The following FDXACB1 variants were observed in gnomAD, a reference collection of about 807,000 sequenced individuals.
The protein encoded by FDXACB1 is ferredoxin-fold anticodon-binding domain-containing protein 1.
Under a neutral mutation model 51.7 loss-of-function variants are expected in FDXACB1, and 41 were observed. That is an observed-to-expected ratio of 0.79 (90% CI 0.62 to 1.03). FDXACB1 has a LOEUF of 1.03. FDXACB1 is among the 50% of genes least tolerant of loss of function. The probability of loss-of-function intolerance (pLI) is 0.00; values close to 1 mark genes in which losing one functional copy is unlikely to be tolerated. For synonymous variants in FDXACB1, 273 were observed against 278.6 expected (o/e 0.98, Z 0.20); for missense variants, 697 against 746.4 (o/e 0.93, Z 0.77).
rs1555162624 is a variant in FDXACB1, at chr11:111,878,955, C to T, written c.172+6G>A. 8 of 1,581,918 alleles carry T rather than the reference C, an allele frequency of 5.1e-6. No individual in the cohort carries two copies. The highest frequency in any genetic ancestry group is 6.9e-6 in the Non-Finnish European group (8 of 1,167,368). The stretch of plus-strand genomic sequence containing the variant: ...GCGGGGTTTCGCAGAGGGGCGGGCT[C>T]GCTACCTCGCTCGCGCAGGCACTGC... On this transcript the variant is annotated splice_donor_region_variant and intron_variant, in intron 1 of 4. Transcript: ENST00000260257.
chr11:111,877,086 C>T (rs1455906920), intron 2 of FDXACB1, 75 bp from the exon 3 acceptor site: 8 of 1,382,392 alleles, frequency 5.8e-6, no homozygotes, highest in African/African-American at 1.5e-5. Flanking sequence ...GCAACATACA[C>T]ATGGTTTGCC....
In FDXACB1 at chr11:111,874,871, C is replaced by A; in HGVS notation, c.*51G>T. The stretch of plus-strand genomic sequence containing the variant: ...TACTGGTTGCAAGTTGGTAATTTTC[C>A]TCCACATCCCCCGCAATGAAGGATC... On this transcript the variant is annotated 3_prime_UTR_variant, in exon 5 of 5. Transcript: ENST00000260257. 1 of 1,523,424 alleles carries A rather than the reference C, an allele frequency of 6.6e-7. No homozygotes were observed. The highest frequency in any genetic ancestry group is 1.2e-5 in the South Asian group (1 of 80,976). The allele number at this position is 1,523,424 out of a possible 1,614,324, so 94.4% of individuals were successfully genotyped here.
chr11:111,874,854 G>A lies in FDXACB1; in HGVS notation c.*68C>T, dbSNP rs1964773243. 2 of 1,392,138 alleles carry A rather than the reference G, an allele frequency of 1.4e-6. No homozygotes were observed. Among genetic ancestry groups the A allele is most frequent in the South Asian group, 1.3e-5 (1 of 74,980 alleles). 86.2% of individuals were successfully genotyped at this position (1,392,138 alleles called of 1,614,324 possible). On this transcript the variant is annotated 3_prime_UTR_variant, in exon 5 of 5. Coordinates refer to ENST00000260257, the MANE Select transcript of FDXACB1 (RefSeq NM_138378.3). The stretch of plus-strand genomic sequence containing the variant: ...AAAAATCCAGAAAGGACTACTGGTT[G>A]CAAGTTGGTAATTTTCCTCCACATC...
rs901587643 is a variant in FDXACB1 at position 111,874,850 on chromosome 11, G to C, written c.*72C>G. 2.2e-6 allele frequency: 3 copies of C among 1,344,354 alleles called. No individual in the cohort carries two copies. The highest frequency in any genetic ancestry group is 3.1e-6 in the Non-Finnish European group (3 of 973,228). 83.3% of individuals were successfully genotyped at this position (1,344,354 alleles called of 1,614,324 possible). On this transcript the variant is annotated 3_prime_UTR_variant, in exon 5 of 5. Coordinates refer to ENST00000260257, the MANE Select transcript of FDXACB1 (RefSeq NM_138378.3). ...AAACAAAAATCCAGAAAGGACTACT[G>C]GTTGCAAGTTGGTAATTTTCCTCCA...
At chr11:111,878,176 G>C (rs898711569) in intron 2 of FDXACB1, among the ~76,000 whole-genome samples, 1 of 151,796 alleles carries the variant, frequency 6.6e-6, no homozygotes, top group African/African-American at 2.4e-5. Context: ...TGGGCGACAG[G>C]GCGAGACTCT....
chr11:111,877,512 C>CTTTTTTTTTTTTTTTTTTTTTTTTTTTTT (rs35506169), intron 2 of FDXACB1, among the ~76,000 whole-genome samples: 1 of 106,916 alleles, frequency 9.4e-6, no homozygotes, highest in Non-Finnish European at 1.9e-5. Context: ...CTGTTAGTTA[C>CTTTTTTTTTTTTTTTTTTTTTTTTTTTTT]TTTTTTTTTT....
Position 111,875,441 on chromosome 11 carries a change from C to T in FDXACB1, c.1356G>A (p.Val452=), listed in dbSNP as rs1555161939. 10 of 1,613,258 alleles carry T rather than the reference C, an allele frequency of 6.2e-6. No individual in the cohort carries two copies. The highest frequency in any genetic ancestry group is 8.5e-6 in the Non-Finnish European group (10 of 1,179,802). Residue 452 remains valine, a synonymous_variant, in exon 5 of 5, where the codon GTG becomes GTA. Coordinates refer to ENST00000260257, the MANE Select transcript of FDXACB1 (RefSeq NM_138378.3). ...AATCTGGGCTAAAATTATGAGTCTT[C>T]ACACGAATCATATAATCCTTTCCAT... The part of the protein sequence containing the change: ...QSNGKDYMIR[V]KTHNFSPDCT...
At position 111,875,499 on chromosome 11, in the gene FDXACB1, A is replaced by G. The variant is rs1964793149; in HGVS notation, c.1298T>C (p.Leu433Pro). 6.2e-7 allele frequency: 1 copy of G among 1,612,328 alleles called. No homozygotes were observed. The highest frequency in any genetic ancestry group is 1.7e-5 in the Admixed American group (1 of 59,706). ...AAGGACAAATTTGACTAAACTGCTC[A>G]GCTTAGAGCTCTCCGGCAATGTCTG... ...LTQTLPESSK[L>P]SSLVKFVLQS... The change falls in exon 5 of 5, where the codon CTG becomes CCG. Residue 433 changes from leucine (L) to proline (P), a missense_variant. Transcript: ENST00000260257.
chr11:111,875,815 C>G lies in FDXACB1; in HGVS notation c.982G>C (p.Gly328Arg). 6.2e-7 allele frequency: 1 copy of G among 1,613,742 alleles called. No individual in the cohort carries two copies. Among genetic ancestry groups the G allele is most frequent in the Non-Finnish European group, 8.5e-7 (1 of 1,179,882 alleles). Reference protein sequence around the residue: ...FSELSLLKNPGRDGKEEACEG... With the variant: ...FSELSLLKNPRRDGKEEACEG... The stretch of plus-strand genomic sequence containing the variant: ...CAAGCTTCTTCTTTACCATCTCTTC[C>G]AGGATTCTTGAGAAGGCTAAGTTCT... The change falls in exon 5 of 5, where the codon GGA (glycine) becomes CGA (arginine). Residue 328 changes from glycine (G) to arginine (R), a missense_variant. Around this residue, in one of 3 missense-constraint regions of FDXACB1, gnomAD observed 538 missense variants for 592.2 expected, o/e 0.91. Coordinates refer to ENST00000260257, the MANE Select transcript of FDXACB1 (RefSeq NM_138378.3).
intron 4 of FDXACB1, among the ~76,000 whole-genome samples, 183 bp downstream of exon 4, chr11:111,876,298 C>T (rs1964814652): frequency 6.6e-6 from 1 of 152,190 alleles, no homozygotes; most frequent in Non-Finnish European, 1.5e-5. Context: ...ACCATCCCTA[C>T]AATATATCAG....
At chr11:111,877,910 G>A (rs1004446365) in intron 2 of FDXACB1, among the ~76,000 whole-genome samples, 1 of 151,964 alleles carries the variant, frequency 6.6e-6, no homozygotes, top group Non-Finnish European at 1.5e-5. Flanking sequence ...ACTGTTGGCC[G>A]GGCGTGGTGG....
At chr11:111,876,152 T>C in intron 4 of FDXACB1, 48 bp from the exon 5 acceptor site, 1 of 1,383,896 alleles carries the variant, frequency 7.2e-7, no homozygotes, top group Non-Finnish European at 9.9e-7. Context: ...AGATAGTAAA[T>C]AATTATAATG....
chr11:111,876,296 T>A (rs1964814610), intron 4 of FDXACB1, among the ~76,000 whole-genome samples, 185 bp downstream of exon 4: 1 of 152,224 alleles, frequency 6.6e-6, no homozygotes, highest in Admixed American at 6.5e-5. Flanking sequence ...CCACCATCCC[T>A]ACAATATATC....
At position 111,874,884 on chromosome 11, in the gene FDXACB1, G is replaced by A. The variant is rs377475393; in HGVS notation, c.*38C>T. ...TTGGTAATTTTCCTCCACATCCCCC[G>A]CAATGAAGGATCACACTGCAGAAAA... is the stretch of plus-strand genomic sequence containing the variant. On this transcript the variant is annotated 3_prime_UTR_variant, in exon 5 of 5. Coordinates refer to ENST00000260257, the MANE Select transcript of FDXACB1 (RefSeq NM_138378.3). The A allele has an allele frequency of 1.9e-5, 30 of 1,565,504 alleles. No homozygotes were observed. Among genetic ancestry groups the A allele is most frequent in the East Asian group, 1.1e-4 (5 of 44,206 alleles).
rs782600560 is a variant in FDXACB1 at position 111,874,958 on chromosome 11, C to T, written c.1839G>A (p.Lys613=). ...TAACATATAGGTGTTGTTGAATCTC[C>T]TTCCTAAACTGGGACTGCATTGATG... ...QVASMQSQFR[K]EIQQHLYVIP... Residue 613 remains lysine (K), a synonymous_variant, in exon 5 of 5, where the codon AAG becomes AAA. Coordinates refer to ENST00000260257, the MANE Select transcript of FDXACB1 (RefSeq NM_138378.3). The T allele has an allele frequency of 6.2e-7, 1 of 1,613,982 alleles. No individual in the cohort carries two copies. The highest frequency in any genetic ancestry group is 8.5e-7 in the Non-Finnish European group (1 of 1,179,886).
intron 2 of FDXACB1, among the ~76,000 whole-genome samples, chr11:111,878,171 G>A (rs1419652736): frequency 1.3e-5 from 2 of 151,972 alleles, no homozygotes; most frequent in African/African-American, 2.4e-5. Context: ...CAGCCTGGGC[G>A]ACAGGGCGAG....
intron 1 of FDXACB1, 50 bp downstream of exon 1, chr11:111,878,911 G>A: frequency 6.4e-7 from 1 of 1,560,160 alleles, no homozygotes; most frequent in Non-Finnish European, 8.7e-7. Context: ...TTTCCACTTT[G>A]GGACGCGCCG....
Position 111,878,982 on chromosome 11 carries a change from G to C in FDXACB1, c.151C>G (p.Leu51Val). The stretch of plus-strand genomic sequence containing the variant: ...CTACCTCGCTCGCGCAGGCACTGCA[G>C]ATTCTCCCAGGCCAGTGGATCCCGA... ...LARDPLAWEN[L>V]QCLRERGIDV... The change falls in exon 1 of 5, where the codon CTG becomes GTG. Residue 51 changes from leucine to valine, a missense_variant. Physicochemically the swap from Leu to Val is conservative, Grantham distance 32 (BLOSUM62 1). Transcript: ENST00000260257. 1 of 1,607,912 alleles carries C rather than the reference G, an allele frequency of 6.2e-7. No homozygotes were observed. The highest frequency in any genetic ancestry group is 8.5e-7 in the Non-Finnish European group (1 of 1,177,710).
At position 111,878,602 on chromosome 11, in the gene FDXACB1, CT is replaced by C. The variant is rs1555162552; in HGVS notation, c.282del (p.Ala95LeufsTer3). On this transcript the variant is annotated frameshift_variant, in exon 2 of 5. Coordinates refer to ENST00000260257, the MANE Select transcript of FDXACB1 (RefSeq NM_138378.3). LOFTEE classifies it high-confidence loss of function. ...AGTTCCCTGTTCTTAGCTACGCCAGCTTTGCGTCCACAATGCGGGAAGATGA... is the reference window on the plus strand; with the variant it reads ...AGTTCCCTGTTCTTAGCTACGCCAGCTTGCGTCCACAATGCGGGAAGATGA... ...IYFIFPHCGR[K>X]AGVAKNRELL... The C allele has an allele frequency of 6.2e-7, 1 of 1,602,830 alleles. No individual in the cohort carries two copies. Among genetic ancestry groups the C allele is most frequent in the South Asian group, 1.1e-5 (1 of 89,026 alleles).
Sources: gnomAD v4.1 joint callset for allele counts (sites outside exome capture counted in the v4.1 genomes callset) on GRCh38, gnomAD v4.1.1 for gene constraint, gnomAD v4.1.1 regional missense constraint, MANE v1.5 for transcripts, NCBI Gene and HGNC (gene_info 2026-07-23, HGNC 2026-07-21) for gene names.